Variants in NSL1 observed in about 807,000 individuals in gnomAD.
The protein encoded by NSL1 is NSL1 component of MIS12 kinetochore complex.
Under a neutral mutation model 25.4 loss-of-function variants are expected in NSL1, and 11 were observed. That is an observed-to-expected ratio of 0.43 (90% confidence interval 0.27 to 0.72). The LOEUF (loss-of-function observed/expected upper bound fraction) is 0.72. Among genes scored for constraint, NSL1 ranks in the 30% least tolerant of loss-of-function variants. NSL1 has a pLI of 0.19. For synonymous variants in NSL1, 118 were observed against 120.6 expected (o/e 0.98, Z 0.14); for missense variants, 330 against 342.7 (o/e 0.96, Z 0.29).
rs1046762034 is a variant in NSL1 at position 212,729,637 on chromosome 1, C to A, written c.*8771G>T. ...AGGGCATAGACAGAATATGACAAGT[C>A]AGAGAGAATTCGAACACTTATTTTA... On this transcript the variant is annotated 3_prime_UTR_variant, in exon 6 of 6. Coordinates refer to ENST00000366977, the MANE Select transcript of NSL1 (RefSeq NM_015471.4). 3.8e-5 allele frequency: 37 copies of A among 985,282 alleles called. No homozygotes were observed. The African/African-American group carries it at 6.5e-4, about 17-fold the overall frequency. The allele number at this position is 985,282 out of a possible 1,614,324, so 61.0% of individuals were successfully genotyped here.
In NSL1 at chr1:212,728,421, T is replaced by C. The variant is rs897010414; in HGVS notation, c.*9987A>G. On this transcript the variant is annotated 3_prime_UTR_variant, in exon 6 of 6. Transcript: ENST00000366977. ...ACCCAATCTGGGACACTATTACAGT[T>C]GTGGCTTTACTCAATCTCTTCCTTT... 1 of 985,348 alleles carries C rather than the reference T, an allele frequency of 1.0e-6. No homozygotes were observed. The highest frequency in any genetic ancestry group is 1.2e-6 in the Non-Finnish European group (1 of 829,944). 61.0% of individuals were successfully genotyped at this position (985,348 alleles called of 1,614,324 possible).
chr1:212,738,446 AC>A lies in NSL1; in HGVS notation c.807del (p.Trp269CysfsTer38). The stretch of plus-strand genomic sequence containing the variant: ...TTAATTTTCTTTGGCCGCAATGGAT[AC>A]CATTTTCTCTGGGGGCAGTCTTTAG... ...KQTKDCPQRK[W>X]YPLRPKKINL... On this transcript the variant is annotated frameshift_variant, in exon 6 of 6. Transcript: ENST00000366977. LOFTEE classifies it high-confidence loss of function. 3 of 1,613,606 alleles carry A rather than the reference AC, an allele frequency of 1.9e-6. No individual in the cohort carries two copies. The highest frequency in any genetic ancestry group is 2.5e-6 in the Non-Finnish European group (3 of 1,179,876).
At chr1:212,749,060 T>A (rs569663320) in intron 4 of NSL1, among the ~76,000 whole-genome samples, 2 of 152,184 alleles carry the variant, frequency 1.3e-5, no homozygotes, top group Non-Finnish European at 2.9e-5. Flanking sequence ...ATTTTCCAAC[T>A]ATGCAGATAT....
chr1:212,733,433 C>CAA lies in NSL1; in HGVS notation c.*4973_*4974dup, dbSNP rs140675222. 0.015 allele frequency among the ~76,000 whole-genome samples: 2,071 copies of CAA among 135,786 alleles called. 41 individuals are homozygous for CAA. The highest frequency in any genetic ancestry group is 0.044 in the African/African-American group (1,627 of 37,208). 89.1% of individuals were successfully genotyped at this position (135,786 alleles called of 152,430 possible). ...GGCAACACAGCAAGACCTTGTTTCACAAAAAAAAAAAAAAAAAAATCCCAT... is the reference window on the plus strand; with the variant it reads ...GGCAACACAGCAAGACCTTGTTTCACAAAAAAAAAAAAAAAAAAAAATCCCAT... On this transcript the variant is annotated 3_prime_UTR_variant, in exon 6 of 6. Coordinates refer to ENST00000366977, the MANE Select transcript of NSL1 (RefSeq NM_015471.4).
At position 212,748,701 on chromosome 1, in the gene NSL1, A is replaced by G. The variant is rs564426853; in HGVS notation, c.500-9100T>C. Among the ~76,000 whole-genome samples, 55 of 152,354 alleles carry G rather than the reference A, an allele frequency of 3.6e-4. No homozygotes were observed. In the South Asian group the frequency reaches 9.3e-3, roughly 26 times the overall value. On this transcript the variant is annotated intron_variant, in intron 4 of 5. Coordinates refer to ENST00000366977, the MANE Select transcript of NSL1 (RefSeq NM_015471.4). ...AGTGGTTATACCTGATAGAAATGGTATAATGACTAAAAAGGGGTATGGGAA... is the reference window on the plus strand; with the variant it reads ...AGTGGTTATACCTGATAGAAATGGTGTAATGACTAAAAAGGGGTATGGGAA...
intron 1 of NSL1, among the ~76,000 whole-genome samples, chr1:212,790,083 G>A (rs1321549941): frequency 3.9e-5 from 6 of 151,986 alleles, no homozygotes; most frequent in Non-Finnish European, 8.8e-5. Flanking sequence ...GCGAGATCTG[G>A]GCTCACTGCA....
intron 4 of NSL1, among the ~76,000 whole-genome samples, chr1:212,748,569 A>G (rs1224066230): frequency 6.6e-6 from 1 of 152,228 alleles, no homozygotes; most frequent in Admixed American, 6.5e-5. Flanking sequence ...TGAATCTCAT[A>G]GGAATAACAC....
Position 212,729,278 on chromosome 1 carries a change from T to C in NSL1, c.*9130A>G. 4 of 985,418 alleles carry C rather than the reference T, an allele frequency of 4.1e-6. No homozygotes were observed. Among genetic ancestry groups the C allele is most frequent in the Non-Finnish European group, 4.8e-6 (4 of 829,912 alleles). 61.0% of individuals were successfully genotyped at this position (985,418 alleles called of 1,614,324 possible). The stretch of plus-strand genomic sequence containing the variant: ...CTAGCCTCTCCCTCAGCTCCCTCTT[T>C]TCCCTCTAATGGATCCCTAGATGCT... On this transcript the variant is annotated 3_prime_UTR_variant, in exon 6 of 6. Coordinates refer to ENST00000366977, the MANE Select transcript of NSL1 (RefSeq NM_015471.4).
chr1:212,749,960 G>C (rs1248694734), intron 4 of NSL1, among the ~76,000 whole-genome samples: 2 of 148,056 alleles, frequency 1.4e-5, no homozygotes, highest in Non-Finnish European at 3.0e-5. Flanking sequence ...CAAAGTGCCA[G>C]CTACACTTTC....
chr1:212,747,901 A>C (rs1016905675), intron 4 of NSL1, among the ~76,000 whole-genome samples: 1 of 151,968 alleles, frequency 6.6e-6, no homozygotes, highest in African/African-American at 2.4e-5. Context: ...AGTAGCTGGG[A>C]CTACAGGCAT....
chr1:212,741,843 C>T (rs1315697865), intron 4 of NSL1, among the ~76,000 whole-genome samples: 1 of 152,142 alleles, frequency 6.6e-6, no homozygotes, highest in Non-Finnish European at 1.5e-5. Context: ...ACAGGAAGTT[C>T]TTCAAAATTA....
intron 4 of NSL1, among the ~76,000 whole-genome samples, chr1:212,752,614 T>C (rs1659116597): frequency 6.6e-6 from 1 of 152,102 alleles, no homozygotes; most frequent in South Asian, 2.1e-4. Flanking sequence ...TTATAAAAGG[T>C]TGTAAATGTC....
intron 1 of NSL1, among the ~76,000 whole-genome samples, chr1:212,790,486 G>GT (rs1661158310): frequency 6.6e-6 from 1 of 152,150 alleles, no homozygotes; most frequent in Admixed American, 6.5e-5. Context: ...GAAGGTGGTA[G>GT]TTTTTTGGGA....
At position 212,734,081 on chromosome 1, in the gene NSL1, TCTTA is replaced by T. The variant is rs1426761313; in HGVS notation, c.*4323_*4326del. ...ATATTTTTAATTTTCAAAAACTTTTTCTTATTTACTGAACATTATTTAATAGCAT... is the reference window on the plus strand; with the variant it reads ...ATATTTTTAATTTTCAAAAACTTTTTTTTACTGAACATTATTTAATAGCAT... On this transcript the variant is annotated 3_prime_UTR_variant, in exon 6 of 6. Coordinates refer to ENST00000366977, the MANE Select transcript of NSL1 (RefSeq NM_015471.4). 6.6e-6 allele frequency among the ~76,000 whole-genome samples: 1 copy of T among 152,254 alleles called. No individual in the cohort carries two copies. The highest frequency in any genetic ancestry group is 1.5e-5 in the Non-Finnish European group (1 of 68,040).
At chr1:212,745,936 AG>A (rs1345146094) in intron 4 of NSL1, among the ~76,000 whole-genome samples, 15 of 152,190 alleles carry the variant, frequency 9.9e-5, no homozygotes, top group Non-Finnish European at 1.9e-4. Flanking sequence ...ACCACACTCT[AG>A]CCTGAATGAC....
intron 1 of NSL1, 127 bp from the exon 2 acceptor site, chr1:212,787,764 A>T: frequency 3.8e-6 from 2 of 520,736 alleles, no homozygotes; most frequent in Non-Finnish European, 6.8e-6. Context: ...GCTAATTAGT[A>T]TATCTATTCT....
chr1:212,730,066 C>G lies in NSL1; in HGVS notation c.*8342G>C. On this transcript the variant is annotated 3_prime_UTR_variant, in exon 6 of 6. Coordinates refer to ENST00000366977, the MANE Select transcript of NSL1 (RefSeq NM_015471.4). ...AGGAGTTCGAGACCAGCCTGACCAA[C>G]ATGGCAAAACCTCATCTCTATAAAA... The G allele has an allele frequency of 1.2e-6, 1 of 852,850 alleles. No individual in the cohort carries two copies. Among genetic ancestry groups the G allele is most frequent in the South Asian group, 5.4e-5 (1 of 18,598 alleles). 52.8% of individuals were successfully genotyped at this position (852,850 alleles called of 1,614,324 possible). A position where few individuals can be genotyped will look rare whatever the true frequency, so the allele number is the denominator to read the frequency against.
rs533011453 is a variant in NSL1, at chr1:212,732,983, T to A, written c.*5425A>T. On this transcript the variant is annotated 3_prime_UTR_variant, in exon 6 of 6. Transcript: ENST00000366977. ...TCTTGGTATTCCTCAGGTCTGGGAA[T>A]GTTTCTTGTGTTATTTCTATTTCTT... Among the ~76,000 whole-genome samples the A allele has an allele frequency of 3.1e-4, 47 of 152,320 alleles. No individual in the cohort carries two copies. Among genetic ancestry groups the A allele is most frequent in the African/African-American group, 1.0e-3 (43 of 41,566 alleles).
chr1:212,767,321 A>C (rs997465059), intron 4 of NSL1, among the ~76,000 whole-genome samples: 1 of 152,208 alleles, frequency 6.6e-6, no homozygotes, highest in African/African-American at 2.4e-5. Flanking sequence ...TGACAAAACA[A>C]ACAAAAACAT....
Sources: gnomAD v4.1 joint callset for allele counts (sites outside exome capture counted in the v4.1 genomes callset) on GRCh38, gnomAD v4.1.1 for gene constraint, MANE v1.5 for transcripts, NCBI Gene and HGNC (gene_info 2026-07-23, HGNC 2026-07-21) for gene names.